Variants in DMTF1 observed in about 807,000 individuals in gnomAD.
The protein encoded by DMTF1 is cyclin-D-binding Myb-like transcription factor 1.
DMTF1 carries 39 observed loss-of-function variants against 91.1 expected under a neutral mutation model. The observed-to-expected ratio is 0.43, with a 90% CI of 0.33 to 0.56. The LOEUF (loss-of-function observed/expected upper bound fraction) is 0.56. DMTF1 is among the 20% of genes least tolerant of loss of function. The probability of loss-of-function intolerance (pLI) is 0.05; values close to 1 mark genes in which losing one functional copy is unlikely to be tolerated. For missense variants in DMTF1, 750 were observed against 914.5 expected (o/e 0.82, Z 2.32); for synonymous variants, 338 against 309.5 (o/e 1.09, Z -0.97).
chr7:87,159,489 C>T (rs776194439), intron 1 of DMTF1, among the ~76,000 whole-genome samples: 2 of 152,206 alleles, frequency 1.3e-5, no homozygotes, highest in Non-Finnish European at 2.9e-5. Flanking sequence ...GGATTTGCTG[C>T]TACCCTCAGG....
intron 7 of DMTF1, 24 bp from the exon 8 acceptor site, chr7:87,179,521 A>G (rs779631606): frequency 6.7e-7 from 1 of 1,482,198 alleles, no homozygotes; most frequent in African/African-American, 1.5e-5. Flanking sequence ...AAATCCCTAA[A>G]TCAAAGAAAT....
At position 87,193,848 on chromosome 7, in the gene DMTF1, G is replaced by C; in HGVS notation, c.1774G>C (p.Asp592His). ...SSISQAELTV[D>H]SDIQSSDFPE... is the part of the protein sequence containing the mutation. ...CATATCCCAAGCAGAACTGACAGTC[G>C]ATAGTGATATTCAGTCATCTGATTT... The change falls in exon 16 of 18, where the codon GAT becomes CAT. Residue 592 changes from aspartate (D) to histidine (H), a missense_variant. Asp to His is a moderately conservative substitution (Grantham distance 81). This residue lies in a region of DMTF1 where 410 missense variants were observed against 420.2 expected (regional missense o/e 0.98). Transcript: ENST00000331242. The C allele has an allele frequency of 6.2e-7, 1 of 1,613,216 alleles. No individual in the cohort carries two copies. The highest frequency in any genetic ancestry group is 8.5e-7 in the Non-Finnish European group (1 of 1,179,552).
rs1800537919 is a variant in DMTF1, at chr7:87,193,994, C to T, written c.1920C>T (p.Ser640=). The T allele has an allele frequency of 6.2e-7, 1 of 1,613,282 alleles. No homozygotes were observed. Among genetic ancestry groups the T allele is most frequent in the Non-Finnish European group, 8.5e-7 (1 of 1,179,572 alleles). ...AHVSKFSDQN[S]TELMNSVMVR... ...TATCCAAATTCAGTGACCAAAATAG[C>T]ACAGAACTGATGAATAGTGTTATGG... is the stretch of plus-strand genomic sequence containing the variant. Residue 640 remains serine (S), a synonymous_variant, in exon 16 of 18, where the codon AGC becomes AGT. Transcript: ENST00000331242.
chr7:87,156,512 G>C (rs1247036836), intron 1 of DMTF1, among the ~76,000 whole-genome samples: 1 of 152,096 alleles, frequency 6.6e-6, no homozygotes, highest in Non-Finnish European at 1.5e-5. Context: ...TTTCCACAAA[G>C]TATATAGAGG....
intron 4 of DMTF1, among the ~76,000 whole-genome samples, chr7:87,168,972 C>T (rs571016309): frequency 1.3e-5 from 2 of 152,274 alleles, no homozygotes; most frequent in South Asian, 4.1e-4. Flanking sequence ...AAATACATAC[C>T]TACCTGCATC....
intron 4 of DMTF1, among the ~76,000 whole-genome samples, chr7:87,169,351 A>G (rs1794579992): frequency 6.6e-6 from 1 of 152,030 alleles, no homozygotes; most frequent in South Asian, 2.1e-4. Flanking sequence ...CTCAGCTGCT[A>G]GGGAGGCTGA....
chr7:87,187,195 T>C (rs1798647898), intron 12 of DMTF1: 1 of 152,186 alleles, frequency 6.6e-6, no homozygotes, highest in Non-Finnish European at 1.5e-5. Flanking sequence ...AAGGAAAATT[T>C]AATGCTGAGG....
rs1798253414 is a variant in DMTF1, at chr7:87,185,699, T to C, written c.1050-130T>C. The C allele has an allele frequency of 2.0e-5, 21 of 1,044,908 alleles. No individual in the cohort carries two copies. In the East Asian group the frequency reaches 5.2e-4, roughly 26 times the overall value. 64.7% of individuals were successfully genotyped at this position (1,044,908 alleles called of 1,614,324 possible). ...CTCCTGGAATCCTTTCCCGTGTAAC[T>C]TAACAATAGCATCTCATTGGCATAA... On this transcript the variant is annotated intron_variant, in intron 11 of 17. Transcript: ENST00000331242.
intron 3 of DMTF1, among the ~76,000 whole-genome samples, chr7:87,165,882 C>T (rs927849636): frequency 6.6e-6 from 1 of 152,210 alleles, no homozygotes; most frequent in Admixed American, 6.6e-5. Context: ...TGCATCCTCT[C>T]TGTTTCAAGC....
intron 11 of DMTF1, chr7:87,185,031 TGCCAAGAAGGGG>T: frequency 2.8e-6 from 1 of 363,352 alleles, no homozygotes. Context: ...GTGCTAAGAT[TGCCAAGAAGGGG>T]GCCCAGTCTG....
Position 87,195,311 on chromosome 7 carries a change from T to C in DMTF1, c.*171T>C, listed in dbSNP as rs1274714029. ...TGACTTTTTACCTCCTTTAAACACA[T>C]CATCTGAGGTTGAGTTTTATGACAG... On this transcript the variant is annotated 3_prime_UTR_variant, in exon 18 of 18. Coordinates refer to ENST00000331242, the MANE Select transcript of DMTF1 (RefSeq NM_001142327.2). 4.7e-5 allele frequency: 25 copies of C among 534,010 alleles called. No homozygotes were observed. The highest frequency in any genetic ancestry group is 7.0e-5 in the Non-Finnish European group (21 of 299,762). 33.1% of individuals were successfully genotyped at this position (534,010 alleles called of 1,614,324 possible). A position where few individuals can be genotyped will look rare whatever the true frequency, so the allele number is the denominator to read the frequency against.
chr7:87,193,414 G>C, intron 15 of DMTF1, 61 bp downstream of exon 15: 6 of 1,550,106 alleles, frequency 3.9e-6, no homozygotes, highest in Non-Finnish European at 5.3e-6. Context: ...TAGTTGATAA[G>C]GACCAAAATA....
chr7:87,182,614 T>C, intron 10 of DMTF1, among the ~76,000 whole-genome samples: 1 of 152,250 alleles, frequency 6.6e-6, no homozygotes, highest in East Asian at 1.9e-4. Context: ...ACAATTTCAA[T>C]ACTTCCCCAG....
At chr7:87,193,409 G>A (rs1800360774) in intron 15 of DMTF1, 56 bp downstream of exon 15, 1 of 1,568,298 alleles carries the variant, frequency 6.4e-7, no homozygotes, top group South Asian at 1.1e-5. Flanking sequence ...AGGATTAGTT[G>A]ATAAGGACCA....
rs751661855 is a variant in DMTF1, at chr7:87,173,664, T to A, written c.442+15T>A. ...GACTAATAAAGGTAAGATAACACTG[T>A]GAATTTTAGTGCCTAGTGAAAAAAA... On this transcript the variant is annotated intron_variant, in intron 6 of 17. Transcript: ENST00000331242. 1 of 1,521,680 alleles carries A rather than the reference T, an allele frequency of 6.6e-7. No individual in the cohort carries two copies. Among genetic ancestry groups the A allele is most frequent in the Non-Finnish European group, 9.0e-7 (1 of 1,107,240 alleles). 94.3% of individuals were successfully genotyped at this position (1,521,680 alleles called of 1,614,324 possible).
Position 87,193,938 on chromosome 7 carries a change from A to C in DMTF1, c.1864A>C (p.Thr622Pro). The C allele has an allele frequency of 6.2e-7, 1 of 1,613,324 alleles. No homozygotes were observed. ...AGATGAAATTCATCACCCTAAGATG[A>C]CTGTGGAGCCATCATTTAATGATGC... is the stretch of plus-strand genomic sequence containing the variant. ...FPDEIHHPKMTVEPSFNDAHV... is the reference protein window; with the variant it reads ...FPDEIHHPKMPVEPSFNDAHV... The change falls in exon 16 of 18, where the codon ACT becomes CCT. Residue 622 changes from threonine to proline, a missense_variant. This residue lies in a region of DMTF1 where 410 missense variants were observed against 420.2 expected (regional missense o/e 0.98). Transcript: ENST00000331242.
intron 11 of DMTF1, among the ~76,000 whole-genome samples, chr7:87,185,498 A>G (rs1440359919): frequency 2.6e-5 from 4 of 152,210 alleles, no homozygotes; most frequent in Non-Finnish European, 5.9e-5. Flanking sequence ...CACACTATGA[A>G]ACATTGCATA....
At chr7:87,153,678 C>G (rs886332776) in intron 1 of DMTF1, among the ~76,000 whole-genome samples, 1 of 152,046 alleles carries the variant, frequency 6.6e-6, no homozygotes, top group Non-Finnish European at 1.5e-5. Flanking sequence ...TTCTGACAGT[C>G]GAGGCTGCAT....
intron 4 of DMTF1, among the ~76,000 whole-genome samples, chr7:87,169,090 C>T (rs542235857): frequency 1.8e-4 from 27 of 152,242 alleles, no homozygotes; most frequent in African/African-American, 6.5e-4. Flanking sequence ...TATTTTGTTT[C>T]TTCTGTATCA....
Sources: gnomAD v4.1 joint callset for allele counts (sites outside exome capture counted in the v4.1 genomes callset) on GRCh38, gnomAD v4.1.1 for gene constraint, gnomAD v4.1.1 regional missense constraint, MANE v1.5 for transcripts, NCBI Gene and HGNC (gene_info 2026-07-23, HGNC 2026-07-21) for gene names.